The following PTPN12 variants were observed in gnomAD, a reference collection of about 807,000 sequenced individuals.
PTPN12 encodes the protein protein tyrosine phosphatase non-receptor type 12, also known as tyrosine-protein phosphatase non-receptor type 12.
PTPN12 carries 29 observed loss-of-function variants against 97.6 expected under a neutral mutation model. The observed-to-expected ratio is 0.30, with a 90% CI of 0.22 to 0.41. PTPN12 has a LOEUF of 0.41. Ranked by LOEUF, PTPN12 falls within the 10% of genes least tolerant of loss-of-function variation. PTPN12 has a pLI of 1.00. For missense variants in PTPN12, 819 were observed against 926.0 expected, an observed-to-expected ratio of 0.88 and a Z score of 1.50; for synonymous variants, 327 against 300.4, an observed-to-expected ratio of 1.09 and a Z score of -0.91.
rs918697955 is a variant in PTPN12 at position 77,570,993 on chromosome 7, A to G, written c.100-85A>G. 1.1e-4 allele frequency: 85 copies of G among 772,036 alleles called. No individual in the cohort carries two copies. The Admixed American group carries it at 3.0e-3, about 27-fold the overall frequency. 47.8% of individuals were successfully genotyped at this position (772,036 alleles called of 1,614,324 possible). ...CTAAGAGACAGGAAAATGAGTTGTG[A>G]GGAATTGGGGTCACCAGATTTCATT... On this transcript the variant is annotated intron_variant, in intron 1 of 17. Coordinates refer to ENST00000248594, the MANE Select transcript of PTPN12 (RefSeq NM_002835.4).
chr7:77,612,136 T>C (rs1052145934), intron 11 of PTPN12, among the ~76,000 whole-genome samples: 8 of 152,224 alleles, frequency 5.3e-5, no homozygotes, highest in Non-Finnish European at 1.2e-4. Flanking sequence ...GTTCCCAGAA[T>C]ATTTGTTTGA....
intron 13 of PTPN12, among the ~76,000 whole-genome samples, chr7:77,628,077 T>C (rs1789265824): frequency 6.6e-6 from 1 of 152,224 alleles, no homozygotes; most frequent in Non-Finnish European, 1.5e-5. Context: ...TACTCGTTTT[T>C]CCTAAATGTT....
chr7:77,547,297 A>G (rs184010556), intron 1 of PTPN12, among the ~76,000 whole-genome samples: 29 of 152,268 alleles, frequency 1.9e-4, no homozygotes, highest in African/African-American at 6.7e-4. Context: ...GAAGTTTACT[A>G]ACTGAACAGA....
In PTPN12 at chr7:77,625,554, GCT is replaced by G. The variant is rs200240716; in HGVS notation, c.1026-1140_1026-1139del. On this transcript the variant is annotated intron_variant, in intron 12 of 17. Coordinates refer to ENST00000248594, the MANE Select transcript of PTPN12 (RefSeq NM_002835.4). ...CACTCTCACTCGCGCTCTCTCTCTC[GCT>G]CTCTCTCTCTTTTTTTTTTTTTTTT... Among the ~76,000 whole-genome samples, 126 of 14,928 alleles carry G rather than the reference GCT, an allele frequency of 8.4e-3. 25 individuals carry two copies. Among genetic ancestry groups the G allele is most frequent in the Middle Eastern group, 0.071 (1 of 14 alleles). The allele number at this position is 14,928 out of a possible 152,430, so 9.8% of individuals were successfully genotyped here.
intron 1 of PTPN12, among the ~76,000 whole-genome samples, chr7:77,566,111 CT>C (rs1460985246): frequency 6.6e-6 from 1 of 152,148 alleles, no homozygotes; most frequent in African/African-American, 2.4e-5. Flanking sequence ...AGCCAGAGCC[CT>C]ACTCACCAGT....
intron 1 of PTPN12, among the ~76,000 whole-genome samples, chr7:77,555,598 T>C (rs564930397): frequency 2.0e-5 from 3 of 152,296 alleles, no homozygotes; most frequent in African/African-American, 7.2e-5. Flanking sequence ...TTCATTTTTG[T>C]TACAGTTTTT....
At chr7:77,538,041 G>A in intron 1 of PTPN12, 1 of 1,008,356 alleles carries the variant, frequency 9.9e-7, no homozygotes, top group African/African-American at 1.7e-5. Context: ...GAGGGTCGAG[G>A]CAAGGTATCT....
chr7:77,586,335 G>T (rs1189943912), intron 5 of PTPN12, among the ~76,000 whole-genome samples: 3 of 152,212 alleles, frequency 2.0e-5, no homozygotes, highest in Admixed American at 6.5e-5. Flanking sequence ...TAATCTTTAT[G>T]CTGGTAAAGG....
chr7:77,558,217 AAAAAAAAAAAGAAAAAG>A (rs1178890382), intron 1 of PTPN12, among the ~76,000 whole-genome samples: 1 of 151,522 alleles, frequency 6.6e-6, no homozygotes, highest in Non-Finnish European at 1.5e-5. Flanking sequence ...TCTCAAAAAA[AAAAAAAAAAAGAAAAAG>A]AAAAAAGAAA....
chr7:77,625,849 CGT>C (rs922532420), intron 12 of PTPN12, among the ~76,000 whole-genome samples: 15 of 151,644 alleles, frequency 9.9e-5, no homozygotes, highest in African/African-American at 3.4e-4. Context: ...GGATTACAGG[CGT>C]GAGCCACCAT....
intron 14 of PTPN12, among the ~76,000 whole-genome samples, chr7:77,633,619 A>G (rs541858570): frequency 2.0e-4 from 31 of 152,090 alleles, no homozygotes; most frequent in South Asian, 1.9e-3. Context: ...AAAAAAAAAA[A>G]AAGTAGCACT....
At chr7:77,592,159 T>G (rs766100464) in intron 5 of PTPN12, 26 bp from the exon 6 acceptor site, 2 of 1,565,828 alleles carry the variant, frequency 1.3e-6, no homozygotes, top group Admixed American at 3.6e-5. Flanking sequence ...ATGAATTACT[T>G]ACTAATTTTT....
chr7:77,605,413 T>TTTTTTTTTTTTTTG (rs1788332608), intron 8 of PTPN12, among the ~76,000 whole-genome samples: 1 of 104,288 alleles, frequency 9.6e-6, no homozygotes, highest in Non-Finnish European at 1.9e-5. Context: ...TCATGAGTTT[T>TTTTTTTTTTTTTTG]TTTTTTTTTT....
intron 13 of PTPN12, among the ~76,000 whole-genome samples, chr7:77,631,226 T>C (rs900451551): frequency 3.9e-5 from 6 of 152,148 alleles, no homozygotes; most frequent in Non-Finnish European, 8.8e-5. Flanking sequence ...TCTGGTACTC[T>C]TGGTAGATGT....
At position 77,583,578 on chromosome 7, in the gene PTPN12, T is replaced by C. The variant is rs192203807; in HGVS notation, c.309T>C (p.Tyr103=). 2.5e-6 allele frequency: 4 copies of C among 1,611,012 alleles called. No individual in the cohort carries two copies. The African/African-American group carries it at 4.0e-5, about 16-fold the overall frequency. ...AGGGCGTCTATGGGCCAAAAGCATA[T>C]GTAGCAACTCAAGGACCTTTAGCAA... ...FIKGVYGPKA[Y]VATQGPLANT... is the part of the protein sequence containing the mutation. The change falls in exon 4 of 18, where the codon TAT becomes TAC. Residue 103 remains tyrosine (Y), a synonymous_variant. Transcript: ENST00000248594.
At chr7:77,592,431 G>T in intron 6 of PTPN12, 175 bp downstream of exon 6, 2 of 482,100 alleles carry the variant, frequency 4.1e-6, no homozygotes, top group South Asian at 3.8e-5. Context: ...GAAGCTTTTG[G>T]GTTGACTTCA....
intron 3 of PTPN12, among the ~76,000 whole-genome samples, chr7:77,582,887 A>C (rs1233380243): frequency 6.6e-6 from 1 of 152,220 alleles, no homozygotes; most frequent in Non-Finnish European, 1.5e-5. Context: ...GTTAAAAACC[A>C]AAATGAATAC....
chr7:77,547,174 T>G (rs1807264320), intron 1 of PTPN12, among the ~76,000 whole-genome samples: 1 of 152,130 alleles, frequency 6.6e-6, no homozygotes, highest in Non-Finnish European at 1.5e-5. Context: ...CCATGGTCTC[T>G]ATCATTTATC....
At chr7:77,552,537 T>A (rs1807526178) in intron 1 of PTPN12, among the ~76,000 whole-genome samples, 1 of 152,188 alleles carries the variant, frequency 6.6e-6, no homozygotes, top group South Asian at 2.1e-4. Flanking sequence ...GTAGGTTGGA[T>A]TAGATCTATA....
Sources: gnomAD v4.1 joint callset for allele counts (sites outside exome capture counted in the v4.1 genomes callset) on GRCh38, gnomAD v4.1.1 for gene constraint, MANE v1.5 for transcripts, NCBI Gene and HGNC (gene_info 2026-07-23, HGNC 2026-07-21) for gene names.